Variants in FHAD1 observed in about 807,000 individuals in gnomAD.
The protein encoded by FHAD1 is forkhead associated phosphopeptide binding domain 1, also known as forkhead-associated domain-containing protein 1.
FHAD1 carries 146 observed loss-of-function variants against 191.3 expected under a neutral mutation model. The ratio of observed to expected loss-of-function variants is 0.76; its 90% confidence interval spans 0.67 to 0.88. FHAD1 has a LOEUF of 0.88. Among genes scored for constraint, FHAD1 ranks in the 40% least tolerant of loss-of-function variants. The probability of loss-of-function intolerance (pLI) is 0.00; values close to 1 mark genes in which losing one functional copy is unlikely to be tolerated. For missense variants in FHAD1, 1,635 were observed against 1,785.8 expected (o/e 0.92, Z 1.52); for synonymous variants, 616 against 672.3 (o/e 0.92, Z 1.29).
At chr1:15,301,122 A>T (rs545863208) in intron 5 of FHAD1, 83 bp from the exon 6 acceptor site, 1 of 1,235,424 alleles carries the variant, frequency 8.1e-7, no homozygotes, top group Non-Finnish European at 1.1e-6. Context: ...GAGCCACCGC[A>T]CCCGGCCCCT....
Position 15,316,536 on chromosome 1 carries a change from G to T in FHAD1, c.1260+69G>T, listed in dbSNP as rs1674519544. On this transcript the variant is annotated intron_variant, in intron 9 of 33. Transcript: ENST00000688493. The surrounding 1 kb of genome is among the most constrained non-coding windows in gnomAD (Gnocchi z 4.3). ...GAGTTTGACCTTGAGGTTCTTGGTGGGATCCTGGGCCATCACTAAGCATGA... is the reference window on the plus strand; with the variant it reads ...GAGTTTGACCTTGAGGTTCTTGGTGTGATCCTGGGCCATCACTAAGCATGA... 2 of 1,323,824 alleles carry T rather than the reference G, an allele frequency of 1.5e-6. No homozygotes were observed. Among genetic ancestry groups the T allele is most frequent in the South Asian group, 2.5e-5 (2 of 78,716 alleles). 82.0% of individuals were successfully genotyped at this position (1,323,824 alleles called of 1,614,324 possible).
chr1:15,307,966 A>C (rs1370272293), intron 6 of FHAD1, among the ~76,000 whole-genome samples: 1 of 151,812 alleles, frequency 6.6e-6, no homozygotes, highest in Non-Finnish European at 1.5e-5. Flanking sequence ...TCCTGACCTC[A>C]TGATCCACCC....
chr1:15,361,216 T>C (rs1425127667), intron 22 of FHAD1, among the ~76,000 whole-genome samples: 2 of 152,166 alleles, frequency 1.3e-5, no homozygotes, highest in Non-Finnish European at 2.9e-5. Context: ...TTGAAGAAAG[T>C]TCTGGAAGTA....
chr1:15,398,748 C>T (rs1470430826), downstream of FHAD1, among the ~76,000 whole-genome samples: 3 of 150,390 alleles, frequency 2.0e-5, no homozygotes, highest in East Asian at 1.9e-4. Context: ...TCCATCTATC[C>T]GTGCCCTCAC....
upstream of FHAD1, among the ~76,000 whole-genome samples, chr1:15,244,114 C>G (rs986360800): frequency 6.2e-4 from 95 of 152,002 alleles, no homozygotes; most frequent in African/African-American, 2.2e-3. This position sits in a 1 kb window ranked among gnomAD's most constrained non-coding sequence, Gnocchi z 5.1. Context: ...ATGTACAACT[C>G]TCTTACTCAG....
At chr1:15,394,421 G>T (rs2103171372) in intron 33 of FHAD1, among the ~76,000 whole-genome samples, 1 of 152,284 alleles carries the variant, frequency 6.6e-6, no homozygotes, top group Middle Eastern at 3.4e-3. Flanking sequence ...TTGTTTAGGG[G>T]GGAAGGCTTT....
chr1:15,333,484 C>T (rs1402340783), intron 14 of FHAD1, among the ~76,000 whole-genome samples: 1 of 152,142 alleles, frequency 6.6e-6, no homozygotes, highest in East Asian at 1.9e-4. Flanking sequence ...ATTTCATCCT[C>T]ACAGTAATTC....
intron 33 of FHAD1, 90 bp from the exon 34 acceptor site, chr1:15,397,203 TTAAA>T: frequency 3.6e-6 from 2 of 553,140 alleles, no homozygotes; most frequent in African/African-American, 1.9e-5. Context: ...AAAAAAAAAA[TTAAA>T]TAAAATAAAA....
chr1:15,323,958 G>C (rs894599098), intron 10 of FHAD1, among the ~76,000 whole-genome samples: 2 of 152,208 alleles, frequency 1.3e-5, no homozygotes. Context: ...CCCACGATGG[G>C]CGGCAGTTCC....
chr1:15,295,402 G>A (rs1216342785), intron 4 of FHAD1, among the ~76,000 whole-genome samples: 1 of 152,084 alleles, frequency 6.6e-6, no homozygotes, highest in Non-Finnish European at 1.5e-5. Flanking sequence ...TAAGCTTAGA[G>A]GTTTGAGACC....
chr1:15,356,041 A>G (rs2102556935), intron 20 of FHAD1, among the ~76,000 whole-genome samples: 1 of 152,226 alleles, frequency 6.6e-6, no homozygotes, highest in Middle Eastern at 3.4e-3. Flanking sequence ...TTCCTTCCAG[A>G]CAGCCTTTGT....
Position 15,367,559 on chromosome 1 carries a change from C to T in FHAD1, c.3251C>T (p.Ala1084Val). The T allele has an allele frequency of 3.9e-6, 6 of 1,550,502 alleles. No homozygotes were observed. The highest frequency in any genetic ancestry group is 3.5e-6 in the Non-Finnish European group (4 of 1,146,776). The change falls in exon 25 of 34, where the codon GCC (alanine) becomes GTC (valine). Residue 1084 changes from alanine (A) to valine (V), a missense_variant. Physicochemically the swap from Ala to Val is moderately conservative, Grantham distance 64 (BLOSUM62 0). Coordinates refer to ENST00000688493, the MANE Select transcript of FHAD1 (RefSeq NM_001391957.1). Reference protein sequence around the residue: ...KELSVLKEKMAQMSSLVEKKD... With the variant: ...KELSVLKEKMVQMSSLVEKKD... ...CTGAGTGTGCTCAAGGAGAAGATGG[C>T]CCAGATGAGCAGCCTGGTAGAAAAG...
intron 31 of FHAD1, chr1:15,383,085 T>C (rs1701289214): frequency 2.1e-6 from 1 of 471,450 alleles, no homozygotes; most frequent in Admixed American, 2.3e-5. Flanking sequence ...TGGGCTCAAA[T>C]CCCCGCACTT....
intron 20 of FHAD1, 55 bp from the exon 21 acceptor site, chr1:15,358,054 TG>T: frequency 1.6e-6 from 2 of 1,265,338 alleles, no homozygotes; most frequent in Non-Finnish European, 1.1e-6. Context: ...ATAAGGGGGC[TG>T]GGTAAATATG....
At chr1:15,262,951 C>T (rs1203760778) in intron 2 of FHAD1, among the ~76,000 whole-genome samples, 1 of 152,194 alleles carries the variant, frequency 6.6e-6, no homozygotes, top group Non-Finnish European at 1.5e-5. Flanking sequence ...AACATCTCCA[C>T]GTCCTCGCCA....
intron 2 of FHAD1, among the ~76,000 whole-genome samples, chr1:15,264,578 G>GTGTGTGTGT (rs1553230111): frequency 6.7e-6 from 1 of 149,854 alleles, no homozygotes; most frequent in Non-Finnish European, 1.5e-5. Context: ...GTGTGTGTGT[G>GTGTGTGTGT]ATCTTTAGGG....
At chr1:15,254,472 G>A in intron 2 of FHAD1, among the ~76,000 whole-genome samples, 1 of 148,620 alleles carries the variant, frequency 6.7e-6, no homozygotes, top group East Asian at 2.0e-4. Context: ...CGTTATTATG[G>A]TCACATAAAG....
At chr1:15,396,019 A>G (rs1443963350) in intron 33 of FHAD1, among the ~76,000 whole-genome samples, 1 of 152,164 alleles carries the variant, frequency 6.6e-6, no homozygotes, top group Non-Finnish European at 1.5e-5. Context: ...ACTAAAAAAT[A>G]TGTAAAGGGA....
intron 19 of FHAD1, among the ~76,000 whole-genome samples, chr1:15,350,824 C>A (rs1053915118): frequency 2.0e-5 from 3 of 152,052 alleles, no homozygotes; most frequent in Non-Finnish European, 4.4e-5. Context: ...GGCTGCACAG[C>A]CTTAAGTGAA....
Sources: allele counts gnomAD v4.1 joint callset (sites outside exome capture counted in the v4.1 genomes callset), GRCh38; gene constraint gnomAD v4.1.1; non-coding constraint Gnocchi (gnomAD v3.1); transcripts MANE v1.5; gene names NCBI Gene and HGNC (gene_info 2026-07-23, HGNC 2026-07-21).